Variants in EPHX1 observed in about 807,000 individuals in gnomAD.
EPHX1 encodes epoxide hydratase.
Under a neutral mutation model 43.2 loss-of-function variants are expected in EPHX1, and 40 were observed. The ratio of observed to expected loss-of-function variants is 0.93; its 90% confidence interval spans 0.72 to 1.21. The LOEUF (loss-of-function observed/expected upper bound fraction) is 1.21, where lower values mean the gene tolerates loss of function less well. Ranked by LOEUF, EPHX1 falls within the 50% of genes most tolerant of loss-of-function variation. The probability of loss-of-function intolerance (pLI) is 0.00; values close to 1 mark genes in which losing one functional copy is unlikely to be tolerated. For synonymous variants in EPHX1, 221 were observed against 226.7 expected (o/e 0.98, Z 0.22); for missense variants, 550 against 570.4 (o/e 0.96, Z 0.36).
intron 3 of EPHX1, among the ~76,000 whole-genome samples, chr1:225,835,166 C>A (rs1667881131): frequency 6.6e-6 from 1 of 152,116 alleles, no homozygotes; most frequent in Non-Finnish European, 1.5e-5. Flanking sequence ...AGGGCCCTTT[C>A]CATCCTGGCA....
intron 4 of EPHX1, 97 bp downstream of exon 4, chr1:225,838,978 G>A (rs2102755754): frequency 3.4e-6 from 5 of 1,464,694 alleles, no homozygotes; most frequent in Non-Finnish European, 4.7e-6. Flanking sequence ...TGAGCAGGGA[G>A]TTGGCCCGAG....
intron 1 of EPHX1, among the ~76,000 whole-genome samples, chr1:225,825,018 C>G (rs1481158989): frequency 6.6e-6 from 1 of 152,184 alleles, no homozygotes; most frequent in East Asian, 1.9e-4. Context: ...TACTAATATT[C>G]TTGTTATCTT....
chr1:225,812,032 T>C (rs182571234), intron 1 of EPHX1, among the ~76,000 whole-genome samples: 1 of 152,322 alleles, frequency 6.6e-6, no homozygotes, highest in East Asian at 1.9e-4. Context: ...AGGGTGGCAC[T>C]GGCATAGACC....
chr1:225,828,741 A>C lies in EPHX1; in HGVS notation c.12A>C (p.Glu4Asp). Residue 4 changes from glutamate (E) to aspartate (D), a missense_variant, in exon 2 of 9, where the codon GAA (glutamate) becomes GAC (aspartate). Coordinates refer to ENST00000272167, the MANE Select transcript of EPHX1 (RefSeq NM_001136018.4). MWL[E>D]ILLTSVLGFA... Reference sequence around the variant, plus strand: ...ATCTTGCAGGAGCCATGTGGCTAGAAATCCTCCTCACTTCAGTGCTGGGCT... The same window carrying C: ...ATCTTGCAGGAGCCATGTGGCTAGACATCCTCCTCACTTCAGTGCTGGGCT... The C allele has an allele frequency of 6.2e-7, 1 of 1,612,550 alleles. No homozygotes were observed.
chr1:225,838,584 G>C, intron 3 of EPHX1, 70 bp from the exon 4 acceptor site: 2 of 1,383,948 alleles, frequency 1.4e-6, no homozygotes, highest in Non-Finnish European at 2.0e-6. Flanking sequence ...CTAGGCTCTG[G>C]GGGGTGCCAG....
At chr1:225,819,176 G>T (rs1476176748) in intron 1 of EPHX1, among the ~76,000 whole-genome samples, 6 of 36,256 alleles carry the variant, frequency 1.7e-4, no homozygotes, top group Non-Finnish European at 1.6e-4. Context: ...GCAGTGAGCC[G>T]AGATTGCGCC....
chr1:225,845,119 CCCCT>C, intron 8 of EPHX1, 23 bp from the exon 9 acceptor site: 1 of 1,613,200 alleles, frequency 6.2e-7, no homozygotes, highest in Non-Finnish European at 8.5e-7. Flanking sequence ...CACAGCCTCA[CCCCT>C]CCGTCGGCTC....
rs144800721 is a variant in EPHX1, at chr1:225,843,796, C to G, written c.1041-702C>G. On this transcript the variant is annotated intron_variant, in intron 7 of 8. Coordinates refer to ENST00000272167, the MANE Select transcript of EPHX1 (RefSeq NM_001136018.4). ...GAGATGGAAGCACTTGGCCAACTTG[C>G]AGAAATCCAGTTCACAGAGGTGATG... Among the ~76,000 whole-genome samples, 10 of 152,322 alleles carry G rather than the reference C, an allele frequency of 6.6e-5. No homozygotes were observed. In the East Asian group the frequency reaches 1.2e-3, roughly 18 times the overall value.
chr1:225,829,792 A>G (rs75862910), intron 2 of EPHX1, among the ~76,000 whole-genome samples: 8,310 of 152,218 alleles, frequency 0.055, 439 homozygotes, highest in African/African-American at 0.14. Context: ...AAATAAAGAT[A>G]GGCTAGGTGC....
intron 1 of EPHX1, among the ~76,000 whole-genome samples, chr1:225,813,537 C>T (rs900947633): frequency 2.0e-5 from 3 of 152,244 alleles, no homozygotes; most frequent in East Asian, 3.8e-4. Context: ...GAGAAAACTG[C>T]GCAATCCAAT....
At chr1:225,829,267 C>T (rs1396394006) in intron 2 of EPHX1, among the ~76,000 whole-genome samples, 1 of 152,140 alleles carries the variant, frequency 6.6e-6, no homozygotes, top group African/African-American at 2.4e-5. Flanking sequence ...AGCAGGTTCC[C>T]GTCAGAGACC....
chr1:225,839,420 T>G, intron 5 of EPHX1, 74 bp downstream of exon 5: 1 of 1,590,098 alleles, frequency 6.3e-7, no homozygotes, highest in Non-Finnish European at 8.5e-7. Flanking sequence ...GAAGTGGACC[T>G]GTGTGCAGGG....
chr1:225,835,331 A>G (rs372160618), intron 3 of EPHX1, among the ~76,000 whole-genome samples: 2 of 127,514 alleles, frequency 1.6e-5, no homozygotes, highest in African/African-American at 3.1e-5. Flanking sequence ...CGATCCTCCC[A>G]CCTCAGCCTC....
Position 225,839,989 on chromosome 1 carries a change from A to G in EPHX1, c.883A>G (p.Arg295Gly). Residue 295 changes from arginine (R) to glycine (G), a missense_variant, in exon 6 of 9, where the codon AGG becomes GGG. Coordinates refer to ENST00000272167, the MANE Select transcript of EPHX1 (RefSeq NM_001136018.4). Reference sequence around the variant, plus strand: ...GGAGAAGGTATTCTACAGCCTGATGAGGGAGAGCGGCTACATGCACATCCA... The same window carrying G: ...GGAGAAGGTATTCTACAGCCTGATGGGGGAGAGCGGCTACATGCACATCCA... ...VKEKVFYSLM[R>G]ESGYMHIQCT... 1 of 1,614,140 alleles carries G rather than the reference A, an allele frequency of 6.2e-7. No individual in the cohort carries two copies. Among genetic ancestry groups the G allele is most frequent in the Non-Finnish European group, 8.5e-7 (1 of 1,180,016 alleles).
intron 4 of EPHX1, 40 bp downstream of exon 4, chr1:225,838,921 G>C: frequency 6.3e-7 from 1 of 1,596,114 alleles, no homozygotes; most frequent in Non-Finnish European, 8.6e-7. Context: ...CCCCGTCCTC[G>C]CCAAGGGTGG....
chr1:225,840,319 G>A (rs1014855310), intron 6 of EPHX1, among the ~76,000 whole-genome samples: 4 of 152,184 alleles, frequency 2.6e-5, no homozygotes, highest in African/African-American at 9.7e-5. Flanking sequence ...CCTACACTGA[G>A]AAGCAGAGGG....
At chr1:225,844,374 T>C in intron 7 of EPHX1, 124 bp from the exon 8 acceptor site, 2 of 1,441,030 alleles carry the variant, frequency 1.4e-6, no homozygotes, top group Admixed American at 1.7e-5. Context: ...CCACACACGT[T>C]GCATGAGGTC....
At chr1:225,840,651 C>G (rs1426596482) in intron 6 of EPHX1, among the ~76,000 whole-genome samples, 1 of 152,206 alleles carries the variant, frequency 6.6e-6, no homozygotes, top group African/African-American at 2.4e-5. Context: ...ATTCATTTGC[C>G]TCTATGAACA....
intron 6 of EPHX1, among the ~76,000 whole-genome samples, 160 bp downstream of exon 6, chr1:225,840,197 A>C (rs1262631628): frequency 6.6e-6 from 1 of 152,212 alleles, no homozygotes; most frequent in African/African-American, 2.4e-5. Context: ...TTTCCCATAG[A>C]ATCAAGAGGA....
Sources: allele counts gnomAD v4.1 joint callset (sites outside exome capture counted in the v4.1 genomes callset), GRCh38; gene constraint gnomAD v4.1.1; transcripts MANE v1.5; gene names NCBI Gene and HGNC (gene_info 2026-07-23, HGNC 2026-07-21).